EGFLAM: variants seen among roughly 807,000 people sequenced by gnomAD.
EGFLAM encodes the protein EGF like, fibronectin type III and laminin G domains, also known as pikachurin.
EGFLAM carries 79 observed loss-of-function variants against 113.1 expected under a neutral mutation model. The ratio of observed to expected loss-of-function variants is 0.70; its 90% CI spans 0.58 to 0.84. EGFLAM has a LOEUF of 0.84. Among genes scored for constraint, EGFLAM ranks in the 40% least tolerant of loss-of-function variants. The pLI, the probability that EGFLAM is intolerant of heterozygous loss-of-function variation, is 0.00. For synonymous variants in EGFLAM, 504 were observed against 487.6 expected, an observed-to-expected ratio of 1.03 and a Z score of -0.44; for missense variants, 1,265 against 1,291.6, an observed-to-expected ratio of 0.98 and a Z score of 0.32.
At chr5:38,351,396 C>T (rs1256405723) in intron 4 of EGFLAM, among the ~76,000 whole-genome samples, 14 of 152,030 alleles carry the variant, frequency 9.2e-5, no homozygotes, top group African/African-American at 1.7e-4. Flanking sequence ...CGTAAGCCAC[C>T]GCGCCTGGTG....
At chr5:38,390,465 T>C (rs1740780694) in intron 6 of EGFLAM, among the ~76,000 whole-genome samples, 1 of 152,186 alleles carries the variant, frequency 6.6e-6, no homozygotes, top group Admixed American at 6.5e-5. Context: ...AACAGTCTTG[T>C]GTATGTTTCC....
At chr5:38,416,979 A>G (rs76990850) in intron 11 of EGFLAM, among the ~76,000 whole-genome samples, 1,853 of 152,308 alleles carry the variant, frequency 0.012, 41 homozygotes, top group African/African-American at 0.043. Flanking sequence ...TGAACATTTT[A>G]TAAGTTCTGG....
At chr5:38,343,175 G>A (rs180933147) in intron 3 of EGFLAM, among the ~76,000 whole-genome samples, 1 of 152,046 alleles carries the variant, frequency 6.6e-6, no homozygotes, top group South Asian at 2.1e-4. Context: ...AGGCTGAGGC[G>A]GGTGGATCAA....
At chr5:38,433,512 C>T (rs759939888) in intron 15 of EGFLAM, among the ~76,000 whole-genome samples, 29 of 152,208 alleles carry the variant, frequency 1.9e-4, no homozygotes, top group Non-Finnish European at 7.3e-5. Context: ...CCCCCTTGGG[C>T]ATGGCAGCTG....
Position 38,378,452 on chromosome 5 carries a change from T to C in EGFLAM, c.712+7990T>C, listed in dbSNP as rs1163115426. Among the ~76,000 whole-genome samples, 3 of 152,176 alleles carry C rather than the reference T, an allele frequency of 2.0e-5. No individual in the cohort carries two copies. The East Asian group carries it at 5.8e-4, about 29-fold the overall frequency. ...CTGTTCGCAAGTGAGGACTCTTCTT[T>C]GGCGGCAATGCCCCTGAATAGGCTG... On this transcript the variant is annotated intron_variant, in intron 6 of 21. Transcript: ENST00000322350.
chr5:38,288,243 G>A (rs1394454336), intron 1 of EGFLAM, among the ~76,000 whole-genome samples: 1 of 152,160 alleles, frequency 6.6e-6, no homozygotes, highest in Non-Finnish European at 1.5e-5. Context: ...TTAATATGTG[G>A]TAAGGCTGTT....
In EGFLAM at chr5:38,427,066, C is replaced by T. The variant is rs370628892; in HGVS notation, c.1868C>T (p.Pro623Leu). 5.6e-6 allele frequency: 9 copies of T among 1,614,002 alleles called. No homozygotes were observed. The African/African-American group carries it at 1.1e-4, about 19-fold the overall frequency. ...RESLRSYAATPWPLEPQHYLS... is the reference protein window; with the variant it reads ...RESLRSYAATLWPLEPQHYLS... ...TCTCTGAGATCTTACGCTGCAACTC[C>T]CTGGCCACTGGAGCCCCAGCATTAC... The change falls in exon 14 of 22, where the codon CCC (proline) becomes CTC (leucine). Residue 623 changes from proline (P) to leucine (L), a missense_variant. By Grantham distance (98) the Pro-to-Leu change is moderately conservative (BLOSUM62 -3). Transcript: ENST00000322350.
At chr5:38,282,233 G>A (rs1417393535) in intron 1 of EGFLAM, 1 of 152,176 alleles carries the variant, frequency 6.6e-6, no homozygotes, top group Non-Finnish European at 1.5e-5. Flanking sequence ...TCTTAGTTTG[G>A]ATTTCCCAGA....
At chr5:38,289,124 C>T (rs1758241645) in intron 1 of EGFLAM, among the ~76,000 whole-genome samples, 1 of 152,114 alleles carries the variant, frequency 6.6e-6, no homozygotes, top group Admixed American at 6.5e-5. Context: ...GCCTCCCTGA[C>T]ACCCCTCTTC....
chr5:38,360,430 G>C (rs899130885), intron 5 of EGFLAM, among the ~76,000 whole-genome samples: 1 of 152,114 alleles, frequency 6.6e-6, no homozygotes, highest in Non-Finnish European at 1.5e-5. Context: ...GCAAATTAAG[G>C]CATGCTGGAT....
intron 17 of EGFLAM, among the ~76,000 whole-genome samples, chr5:38,444,711 C>CA (rs1210862980): frequency 6.6e-6 from 1 of 152,138 alleles, no homozygotes; most frequent in Admixed American, 6.5e-5. Context: ...TTGGGAGGCC[C>CA]AGGCAGGTGG....
chr5:38,273,557 C>T (rs895357918), intron 1 of EGFLAM, among the ~76,000 whole-genome samples: 3 of 152,204 alleles, frequency 2.0e-5, no homozygotes, highest in Non-Finnish European at 4.4e-5. Flanking sequence ...GATTCTAGCC[C>T]GTGCTGTGAC....
Position 38,451,938 on chromosome 5 carries a change from G to A in EGFLAM, c.2687+480G>A, listed in dbSNP as rs192769199. 4.3e-4 allele frequency among the ~76,000 whole-genome samples: 63 copies of A among 145,710 alleles called. 2 individuals carry two copies. The South Asian group carries it at 5.3e-3, about 12-fold the overall frequency. ...ACCCATGAGGCAGATGTTGCAGTGA[G>A]CTGAGATCGCGCTACTGCACTCCAG... is the stretch of plus-strand genomic sequence containing the variant. On this transcript the variant is annotated intron_variant, in intron 19 of 21. Coordinates refer to ENST00000322350, the MANE Select transcript of EGFLAM (RefSeq NM_152403.4).
At chr5:38,423,723 T>A (rs888511705) in intron 12 of EGFLAM, among the ~76,000 whole-genome samples, 1 of 152,148 alleles carries the variant, frequency 6.6e-6, no homozygotes, top group African/African-American at 2.4e-5. Context: ...GAACATTCAG[T>A]AGCCACCAGC....
At chr5:38,299,913 A>G (rs2111822332) in intron 1 of EGFLAM, among the ~76,000 whole-genome samples, 1 of 152,308 alleles carries the variant, frequency 6.6e-6, no homozygotes, top group South Asian at 2.1e-4. Context: ...GGGATGCCTT[A>G]ATGAACAAAA....
intron 1 of EGFLAM, among the ~76,000 whole-genome samples, chr5:38,261,946 G>A (rs1757509965): frequency 6.6e-6 from 1 of 152,142 alleles, no homozygotes; most frequent in Non-Finnish European, 1.5e-5. Context: ...AGAATGGGAG[G>A]GTTTAGGGCC....
chr5:38,261,372 G>T (rs1757495837), intron 1 of EGFLAM, among the ~76,000 whole-genome samples: 1 of 152,210 alleles, frequency 6.6e-6, no homozygotes, highest in African/African-American at 2.4e-5. Context: ...TTGCTACACT[G>T]TTCTAAGAAC....
intron 1 of EGFLAM, among the ~76,000 whole-genome samples, chr5:38,285,000 A>T (rs933298028): frequency 6.6e-6 from 1 of 152,228 alleles, no homozygotes; most frequent in Non-Finnish European, 1.5e-5. Flanking sequence ...CTCAATTGTT[A>T]TCAAGAGCAA....
intron 1 of EGFLAM, among the ~76,000 whole-genome samples, chr5:38,315,690 G>A (rs746911640): frequency 3.9e-4 from 59 of 152,174 alleles, no homozygotes; most frequent in Non-Finnish European, 5.9e-4. Context: ...GTGTGTGACT[G>A]GGGGAAGTTA....
Sources: gnomAD v4.1 joint callset for allele counts (sites outside exome capture counted in the v4.1 genomes callset) on GRCh38, gnomAD v4.1.1 for gene constraint, MANE v1.5 for transcripts, NCBI Gene and HGNC (gene_info 2026-07-23, HGNC 2026-07-21) for gene names.